Variants in SLC36A1 observed in about 807,000 individuals in gnomAD.
SLC36A1 encodes solute carrier family 36 member 1.
Under a neutral mutation model 47.5 loss-of-function variants are expected in SLC36A1, and 30 were observed. The ratio of observed to expected loss-of-function variants is 0.63; its 90% CI spans 0.47 to 0.86. SLC36A1 has a LOEUF of 0.86. SLC36A1 is among the 40% of genes least tolerant of loss of function. The pLI is 0.00. For missense variants in SLC36A1, 517 were observed against 606.0 expected, an observed-to-expected ratio of 0.85 and a Z score of 1.54; for synonymous variants, 255 against 249.7, an observed-to-expected ratio of 1.02 and a Z score of -0.20.
At chr5:151,355,851 A>G in the SLC36A1 span, among the ~76,000 whole-genome samples, 9 of 152,206 alleles carry the variant, frequency 5.9e-5, no homozygotes, top group Non-Finnish European at 1.2e-4. Context: ...ACATGCATAC[A>G]CATCTTGTAT....
the SLC36A1 span, among the ~76,000 whole-genome samples, chr5:151,377,372 G>A: frequency 3.0e-5 from 4 of 133,012 alleles, no homozygotes; most frequent in Admixed American, 2.3e-4. Flanking sequence ...TTTTTGAGAC[G>A]GAGTTTCGCT....
At chr5:151,433,631 G>A (rs189008873), upstream of SLC36A1, among the ~76,000 whole-genome samples, 247 of 151,986 alleles carry the variant, frequency 1.6e-3, no homozygotes, top group Admixed American at 5.0e-3. Flanking sequence ...AATATTGAGG[G>A]GAGATCAAGA....
the SLC36A1 span, among the ~76,000 whole-genome samples, chr5:151,423,302 T>A: frequency 6.6e-6 from 1 of 152,132 alleles, no homozygotes; most frequent in Non-Finnish European, 1.5e-5. Context: ...CCCAAATGAG[T>A]TGAAAATTTA....
At chr5:151,509,885 T>TAACA in the SLC36A1 span, 2 of 1,033,520 alleles carry the variant, frequency 1.9e-6, no homozygotes, top group African/African-American at 3.2e-5. Context: ...ACCACTGCCC[T>TAACA]AACAGATGGA....
chr5:151,422,618 C>T, the SLC36A1 span, among the ~76,000 whole-genome samples: 1 of 151,914 alleles, frequency 6.6e-6, no homozygotes, highest in Admixed American at 6.6e-5. Context: ...GTCCCAGCTA[C>T]TTGGGAGGCT....
intron 7 of SLC36A1, among the ~76,000 whole-genome samples, chr5:151,471,232 T>G (rs1757273504): frequency 1.3e-5 from 2 of 152,228 alleles, no homozygotes; most frequent in African/African-American, 4.8e-5. Flanking sequence ...ACTTAAAGTC[T>G]CAGTTTCCAA....
At chr5:151,540,648 T>A in the SLC36A1 span, 3 of 1,614,178 alleles carry the variant, frequency 1.9e-6, no homozygotes, top group Non-Finnish European at 2.5e-6. Flanking sequence ...TGCCATCAGA[T>A]GCTGTGACTC....
At position 151,491,588 on chromosome 5, in the gene SLC36A1, G is replaced by C. The variant is rs551782346; in HGVS notation, c.*3334G>C. The C allele has an allele frequency of 5.2e-5, 8 of 152,570 alleles. No homozygotes were observed. The highest frequency in any genetic ancestry group is 1.7e-4 in the African/African-American group (7 of 41,500). 9.5% of individuals were successfully genotyped at this position (152,570 alleles called of 1,614,324 possible). A position where few individuals can be genotyped will look rare whatever the true frequency, so the allele number is the denominator to read the frequency against. On this transcript the variant is annotated 3_prime_UTR_variant, in exon 11 of 11. Transcript: ENST00000243389. ...CACTAATGTTCACCTCGTATTTTTT[G>C]GAAGTGCAAAAATCTCAATTTGTGT...
At chr5:151,403,909 G>A in the SLC36A1 span, among the ~76,000 whole-genome samples, 2 of 152,140 alleles carry the variant, frequency 1.3e-5, no homozygotes. Context: ...GTTGTTTGGT[G>A]GATTATTCTG....
the SLC36A1 span, chr5:151,545,370 A>G: frequency 6.2e-7 from 1 of 1,614,146 alleles, no homozygotes; most frequent in Non-Finnish European, 8.5e-7. Flanking sequence ...CAGTGACAGG[A>G]TGGATGGTAA....
In SLC36A1 at chr5:151,464,516, G is replaced by A; in HGVS notation, c.237G>A (p.Met79Ile). ...PLAVKNAGIVMGPISLLIIGI... is the reference protein window; with the variant it reads ...PLAVKNAGIVIGPISLLIIGI... ...TTGCCTGCAATATCTGTCCCCAGAT[G>A]GGTCCCATCAGCCTGCTGATCATAG... The change falls in exon 4 of 11, where the codon ATG (methionine) becomes ATA (isoleucine). Residue 79 changes from methionine (M) to isoleucine (I), a missense_variant and splice_region_variant. Transcript: ENST00000243389. 6.2e-7 allele frequency: 1 copy of A among 1,613,616 alleles called. No homozygotes were observed. The highest frequency in any genetic ancestry group is 8.5e-7 in the Non-Finnish European group (1 of 1,179,854).
At chr5:151,499,758 G>T in the SLC36A1 span, among the ~76,000 whole-genome samples, 1 of 151,234 alleles carries the variant, frequency 6.6e-6, no homozygotes, top group Admixed American at 6.6e-5. Flanking sequence ...TCCCTCATCC[G>T]CCAGCCCCTG....
At chr5:151,461,899 T>C (rs751336818) in intron 2 of SLC36A1, among the ~76,000 whole-genome samples, 5 of 152,026 alleles carry the variant, frequency 3.3e-5, no homozygotes, top group African/African-American at 4.8e-5. Context: ...TACCAAAATA[T>C]GTTACTTGTC....
chr5:151,423,181 G>A, the SLC36A1 span, among the ~76,000 whole-genome samples: 1 of 152,178 alleles, frequency 6.6e-6, no homozygotes, highest in African/African-American at 2.4e-5. Context: ...ATTTGTTGCT[G>A]GTTCGGGAAT....
At chr5:151,553,503 G>A in the SLC36A1 span, 2 of 870,950 alleles carry the variant, frequency 2.3e-6, no homozygotes, top group Non-Finnish European at 3.7e-6. Flanking sequence ...CTCTCATCCA[G>A]TCATTCATTC....
chr5:151,402,183 G>T, the SLC36A1 span, among the ~76,000 whole-genome samples: 1 of 152,234 alleles, frequency 6.6e-6, no homozygotes, highest in Admixed American at 6.5e-5. Context: ...TTTATTGAAG[G>T]TTTTAAATTA....
the SLC36A1 span, among the ~76,000 whole-genome samples, chr5:151,506,549 C>G: frequency 2.6e-5 from 4 of 152,208 alleles, no homozygotes; most frequent in Non-Finnish European, 5.9e-5. Context: ...ACCAGGAGCC[C>G]TTGGTCCTAG....
chr5:151,458,302 G>A lies in SLC36A1; in HGVS notation c.-5-486G>A, dbSNP rs60278106. On this transcript the variant is annotated intron_variant, in intron 1 of 10. Transcript: ENST00000243389. ...TATACGTGTATATATATACATACAC[G>A]TGTATATACGTATATATATATATAT... Among the ~76,000 whole-genome samples the A allele has an allele frequency of 2.7e-3, 221 of 82,612 alleles. 1 individual carries two copies. Among genetic ancestry groups the A allele is most frequent in the Non-Finnish European group, 3.2e-3 (136 of 42,716 alleles). The allele number at this position is 82,612 out of a possible 152,430, so 54.2% of individuals were successfully genotyped here.
the SLC36A1 span, among the ~76,000 whole-genome samples, chr5:151,518,348 CTAATAA>C: frequency 3.0e-5 from 3 of 101,486 alleles, no homozygotes; most frequent in Admixed American, 1.1e-4. Context: ...GACCATGTCT[CTAATAA>C]TAATAATAAT....
Sources: gnomAD v4.1 joint callset for allele counts (sites outside exome capture counted in the v4.1 genomes callset) on GRCh38, gnomAD v4.1.1 for gene constraint, MANE v1.5 for transcripts, NCBI Gene and HGNC (gene_info 2026-07-23, HGNC 2026-07-21) for gene names.